Variants in IKZF2 observed in about 807,000 individuals in gnomAD.
IKZF2 encodes zinc finger protein Helios.
IKZF2 carries 15 observed loss-of-function variants against 49.2 expected under a neutral mutation model. The ratio of observed to expected loss-of-function variants is 0.30; its 90% CI spans 0.20 to 0.47. The LOEUF (loss-of-function observed/expected upper bound fraction) is 0.47. Ranked by LOEUF, IKZF2 falls within the 20% of genes least tolerant of loss-of-function variation. The pLI is 1.00. For missense variants in IKZF2, 567 were observed against 664.6 expected, an observed-to-expected ratio of 0.85 and a Z score of 1.61; for synonymous variants, 227 against 221.4, an observed-to-expected ratio of 1.03 and a Z score of -0.23.
intron 4 of IKZF2, among the ~76,000 whole-genome samples, chr2:213,086,111 C>T (rs999536235): frequency 3.3e-5 from 5 of 152,134 alleles, no homozygotes; most frequent in African/African-American, 9.7e-5. Context: ...CCACTAAAAA[C>T]ATAAATTACT....
At chr2:213,113,952 C>T (rs1157262494) in intron 4 of IKZF2, among the ~76,000 whole-genome samples, 4 of 152,206 alleles carry the variant, frequency 2.6e-5, no homozygotes, top group South Asian at 2.1e-4. Flanking sequence ...CTATCTCCCA[C>T]TGCAACTGCA....
intron 4 of IKZF2, among the ~76,000 whole-genome samples, chr2:213,078,709 G>T (rs1263738703): frequency 6.6e-6 from 1 of 152,170 alleles, no homozygotes; most frequent in Non-Finnish European, 1.5e-5. Context: ...AATAGAGTGA[G>T]TGGCTACCTA....
intron 4 of IKZF2, among the ~76,000 whole-genome samples, chr2:213,125,610 A>G (rs1313600120): frequency 1.3e-5 from 2 of 152,226 alleles, no homozygotes; most frequent in African/African-American, 4.8e-5. Context: ...TTCATTGCAC[A>G]GACTTCTTGA....
intron 4 of IKZF2, among the ~76,000 whole-genome samples, chr2:213,107,558 G>T (rs1365580472): frequency 6.6e-6 from 1 of 152,132 alleles, no homozygotes; most frequent in African/African-American, 2.4e-5. Flanking sequence ...TAATAGGGAA[G>T]GTATGTAAAT....
Position 213,146,765 on chromosome 2 carries a change from G to GGGGT in IKZF2, c.139+942_139+943insACCC, listed in dbSNP as rs1553604963. Among the ~76,000 whole-genome samples the GGGGT allele has an allele frequency of 1.6e-4, 20 of 128,032 alleles. 3 individuals are homozygous for GGGGT. Among genetic ancestry groups the GGGGT allele is most frequent in the Non-Finnish European group, 3.3e-4 (19 of 58,088 alleles). The allele number at this position is 128,032 out of a possible 152,430, so 84.0% of individuals were successfully genotyped here. On this transcript the variant is annotated intron_variant, in intron 4 of 8. Transcript: ENST00000434687. ...TTCTTAGTTATTAAATCTTCGGGGG[G>GGGGT]GGGGAAGGAAAGAGAATGCCTTTCC...
At chr2:213,147,962 T>C in intron 3 of IKZF2, 150 bp from the exon 4 acceptor site, 2 of 611,504 alleles carry the variant, frequency 3.3e-6, no homozygotes, top group Non-Finnish European at 5.8e-6. Flanking sequence ...AAATATCATT[T>C]AGAAATATAC....
rs567624243 is a variant in IKZF2, at chr2:213,113,451, G to C, written c.139+34257C>G. ...CAAAGTTAACTTTAGAGCCCATGGAGAATAGCTTTTTCTTACACATAATTT... is the reference window on the plus strand; with the variant it reads ...CAAAGTTAACTTTAGAGCCCATGGACAATAGCTTTTTCTTACACATAATTT... On this transcript the variant is annotated intron_variant, in intron 4 of 8. Coordinates refer to ENST00000434687, the MANE Select transcript of IKZF2 (RefSeq NM_001387220.1). Among the ~76,000 whole-genome samples the C allele has an allele frequency of 5.3e-5, 8 of 152,224 alleles. No individual in the cohort carries two copies. The South Asian group carries it at 1.5e-3, about 28-fold the overall frequency.
upstream of IKZF2, among the ~76,000 whole-genome samples, chr2:213,151,835 G>C (rs1156805100): frequency 2.7e-5 from 4 of 149,348 alleles, no homozygotes; most frequent in African/African-American, 4.9e-5. Context: ...GCGCCTGTGC[G>C]TGTGTGTATG....
At chr2:213,135,028 C>T (rs1203149685) in intron 4 of IKZF2, among the ~76,000 whole-genome samples, 1 of 152,092 alleles carries the variant, frequency 6.6e-6, no homozygotes, top group African/African-American at 2.4e-5. Context: ...AAGTTATTTT[C>T]GCAGGTCCTA....
chr2:213,109,330 C>T (rs1032579367), intron 4 of IKZF2, among the ~76,000 whole-genome samples: 2 of 151,982 alleles, frequency 1.3e-5, no homozygotes, highest in African/African-American at 4.8e-5. Flanking sequence ...GCAAACTGTG[C>T]ATATTGTCTT....
At chr2:213,083,013 T>G (rs1000658803) in intron 4 of IKZF2, among the ~76,000 whole-genome samples, 4 of 152,206 alleles carry the variant, frequency 2.6e-5, no homozygotes, top group African/African-American at 7.2e-5. Context: ...GTCTGCTTAT[T>G]TGATGGTAAT....
rs1377798540 is a variant in IKZF2, at chr2:213,146,090, C to A, written c.139+1618G>T. On this transcript the variant is annotated intron_variant, in intron 4 of 8. Transcript: ENST00000434687. ...TGTGTCTAGGGGATGACAGTCAAGT[C>A]TCTGATTAACAGTTACTCCCTACCC... 2.6e-5 allele frequency among the ~76,000 whole-genome samples: 4 copies of A among 152,064 alleles called. No homozygotes were observed. In the East Asian group the frequency reaches 7.7e-4, roughly 29 times the overall value.
chr2:213,016,319 ATTACTAC>A (rs1696594879), intron 7 of IKZF2, among the ~76,000 whole-genome samples: 1 of 152,116 alleles, frequency 6.6e-6, no homozygotes, highest in South Asian at 2.1e-4. Context: ...AGAGAATGTT[ATTACTAC>A]TAGGAGTCTG....
At chr2:213,020,268 T>C (rs1697062880) in intron 7 of IKZF2, among the ~76,000 whole-genome samples, 1 of 152,216 alleles carries the variant, frequency 6.6e-6, no homozygotes, top group Non-Finnish European at 1.5e-5. Context: ...ATGCTTAAGT[T>C]ACTGCTGGTA....
rs930247960 is a variant in IKZF2 at position 213,001,575 on chromosome 2, A to G, written c.*5785T>C. ...TTTTAATAGAAAACTACACTTGAGT[A>G]TAAAAATACGTCAGCAGATTATACA... On this transcript the variant is annotated 3_prime_UTR_variant, in exon 9 of 9. Coordinates refer to ENST00000434687, the MANE Select transcript of IKZF2 (RefSeq NM_001387220.1). 4.6e-5 allele frequency: 7 copies of G among 151,586 alleles called. No homozygotes were observed. Among genetic ancestry groups the G allele is most frequent in the Non-Finnish European group, 8.9e-5 (6 of 67,580 alleles). The allele number at this position is 151,586 out of a possible 1,614,324, so 9.4% of individuals were successfully genotyped here.
At chr2:213,061,469 T>C (rs1227295954) in intron 4 of IKZF2, among the ~76,000 whole-genome samples, 1 of 150,144 alleles carries the variant, frequency 6.7e-6, no homozygotes, top group Non-Finnish European at 1.5e-5. Flanking sequence ...GACATTTTCT[T>C]TGCCACCATT....
intron 7 of IKZF2, among the ~76,000 whole-genome samples, chr2:213,018,246 GATAA>G (rs1199910303): frequency 2.0e-5 from 3 of 151,790 alleles, no homozygotes; most frequent in Admixed American, 6.6e-5. Flanking sequence ...AATTAAATAA[GATAA>G]ATAATCTGCC....
intron 5 of IKZF2, 152 bp downstream of exon 5, chr2:213,056,681 C>G: frequency 1.1e-6 from 1 of 905,262 alleles, no homozygotes; most frequent in East Asian, 2.6e-5. Flanking sequence ...CCAGGCTACT[C>G]TCTGTTTTTC....
chr2:213,145,978 C>T (rs2061043530), intron 4 of IKZF2, among the ~76,000 whole-genome samples: 1 of 152,070 alleles, frequency 6.6e-6, no homozygotes, highest in Non-Finnish European at 1.5e-5. Flanking sequence ...GAGTGAACTG[C>T]CTTTCTGAAG....
Sources: gnomAD v4.1 joint callset for allele counts (sites outside exome capture counted in the v4.1 genomes callset) on GRCh38, gnomAD v4.1.1 for gene constraint, MANE v1.5 for transcripts, NCBI Gene and HGNC (gene_info 2026-07-23, HGNC 2026-07-21) for gene names.